SULT1A4: variants seen among roughly 807,000 people sequenced by gnomAD.
SULT1A4 encodes sulfotransferase family 1A member 4.
For synonymous variants in SULT1A4, 3 were observed against 19.4 expected (o/e 0.15, Z 2.22); for missense variants, 4 against 40.6 (o/e 0.10, Z 2.45).
chr16:29,461,918 CT>C lies in SULT1A4; in HGVS notation c.341del (p.Leu114ProfsTer69). ...LIKSHLPLAL[L>X]PQTLLDQKVK... The stretch of plus-strand genomic sequence containing the variant: ...CAAGTCACACCTGCCCCTGGCTCTG[CT>C]CCCTCAGACTCTGTTGGATCAGAAG... On this transcript the variant is annotated frameshift_variant, in exon 4 of 8. Transcript: ENST00000360423. LOFTEE classifies it high-confidence loss of function. 7.3e-6 allele frequency: 2 copies of C among 274,720 alleles called. No individual in the cohort carries two copies. The highest frequency in any genetic ancestry group is 1.2e-5 in the Non-Finnish European group (2 of 161,442). 17.0% of individuals were successfully genotyped at this position (274,720 alleles called of 1,614,324 possible).
chr16:29,461,758 C>G lies in SULT1A4; in HGVS notation c.269C>G (p.Pro90Arg). The change falls in exon 3 of 8, where the codon CCC (proline) becomes CGC (arginine). Residue 90 changes from proline (P) to arginine (R), a missense_variant. Physicochemically the swap from Pro to Arg is moderately radical, Grantham distance 103. Transcript: ENST00000360423. ...CTTGAGGTCAATGATCCAGGGGAAC[C>G]CTCAGGTGCATGGCTGGGTCCTGGG... ...PFLEVNDPGE[P>R]SGLETLKDTP... The G allele has an allele frequency of 9.4e-6, 2 of 213,368 alleles. No individual in the cohort carries two copies. Among genetic ancestry groups the G allele is most frequent in the Non-Finnish European group, 8.2e-6 (1 of 122,572 alleles). The allele number at this position is 213,368 out of a possible 1,614,324, so 13.2% of individuals were successfully genotyped here.
chr16:29,462,403 C>T (rs1357951347), intron 4 of SULT1A4, among the ~76,000 whole-genome samples: 2 of 146,006 alleles, frequency 1.4e-5, no homozygotes, highest in African/African-American at 2.6e-5. Context: ...GGCTGGAGTG[C>T]AGTGGCATGA....
chr16:29,462,664 GAC>G (rs1200608229), intron 4 of SULT1A4: 1 of 80,046 alleles, frequency 1.2e-5, no homozygotes, highest in Non-Finnish European at 2.4e-5. Context: ...TTTTTTTTGA[GAC>G]AGTTTCACTC....
intron 1 of SULT1A4, among the ~76,000 whole-genome samples, chr16:29,460,908 T>TTCAGCC (rs1437044594): frequency 6.7e-4 from 1 of 1,498 alleles, no homozygotes; most frequent in Admixed American, 6.5e-3. Flanking sequence ...ACGACCTGGT[T>TTCAGCC]TCAGCCCCAG....
chr16:29,461,846 T>TC lies in SULT1A4; in HGVS notation c.275-7_275-6insC. 4.1e-6 allele frequency: 1 copy of TC among 244,394 alleles called. No individual in the cohort carries two copies. Among genetic ancestry groups the TC allele is most frequent in the Non-Finnish European group, 7.0e-6 (1 of 142,836 alleles). 15.1% of individuals were successfully genotyped at this position (244,394 alleles called of 1,614,324 possible). ...GCTCACCAGACCTTCCCTGACCCAC[T>TC]ACTCAGGGCTGGAGACTCTGAAAGA... On this transcript the variant is annotated splice_region_variant and splice_polypyrimidine_tract_variant and intron_variant, in intron 3 of 7. Coordinates refer to ENST00000360423, the MANE Select transcript of SULT1A4 (RefSeq NM_001017390.3).
At position 29,464,850 on chromosome 16, in the gene SULT1A4, A is replaced by T. The variant is rs1964891398; in HGVS notation, c.*275A>T. 4.5e-5 allele frequency: 3 copies of T among 66,190 alleles called. 1 individual carries two copies. The Admixed American group carries it at 6.4e-4, about 14-fold the overall frequency. The allele number at this position is 66,190 out of a possible 1,614,324, so 4.1% of individuals were successfully genotyped here. ...CTACTTGGGAAGCAGAGGCTGGAGGATCATTTCAGCCCAGGAGGTTGTGGA... is the reference window on the plus strand; with the variant it reads ...CTACTTGGGAAGCAGAGGCTGGAGGTTCATTTCAGCCCAGGAGGTTGTGGA... On this transcript the variant is annotated 3_prime_UTR_variant, in exon 8 of 8. Transcript: ENST00000360423.
At chr16:29,462,179 GC>G (rs1276104757) in intron 4 of SULT1A4, among the ~76,000 whole-genome samples, 2 of 126,918 alleles carry the variant, frequency 1.6e-5, no homozygotes, top group Non-Finnish European at 3.2e-5. Flanking sequence ...GCTGCAATGA[GC>G]CCTGATGATC....
intron 4 of SULT1A4, among the ~76,000 whole-genome samples, chr16:29,462,318 G>A (rs757823697): frequency 0.025 from 3,322 of 135,546 alleles, 1 homozygote; most frequent in Middle Eastern, 0.037. Flanking sequence ...CTGTTCTTCT[G>A]GAAGGGCCTC....
chr16:29,461,348 A>G, intron 1 of SULT1A4, 34 bp from the exon 2 acceptor site: 2 of 1,371,228 alleles, frequency 1.5e-6, no homozygotes. Context: ...TGATGGTGGT[A>G]AGGGAACGGG....
chr16:29,462,444 G>A (rs1464769961), intron 4 of SULT1A4, among the ~76,000 whole-genome samples: 9 of 139,608 alleles, frequency 6.4e-5, no homozygotes, highest in African/African-American at 2.2e-4. Context: ...CGCCTCCCCA[G>A]TTCAAGTGAT....
intron 4 of SULT1A4, among the ~76,000 whole-genome samples, 157 bp downstream of exon 4, chr16:29,462,107 G>T (rs1438429297): frequency 7.2e-5 from 8 of 111,286 alleles, no homozygotes. Flanking sequence ...TGGTATGGTG[G>T]CATAGACTGT....
rs1484157523 is a variant in SULT1A4, at chr16:29,461,648, G to A, written c.159G>A (p.Trp53Ter). 3.6e-6 allele frequency: 1 copy of A among 274,386 alleles called. No homozygotes were observed. The highest frequency in any genetic ancestry group is 2.4e-5 in the South Asian group (1 of 40,928). The allele number at this position is 274,386 out of a possible 1,614,324, so 17.0% of individuals were successfully genotyped here. A position where few individuals can be genotyped will look rare whatever the true frequency, so the allele number is the denominator to read the frequency against. ...INTYPKSGTT[W>*]VSQILDMIYQ... The stretch of plus-strand genomic sequence containing the variant: ...TCCCTCCCTCTCCAGGCACCACCTG[G>A]GTGAGCCAGATACTGGACATGATCT... Residue 53 changes from tryptophan to a stop codon, truncating the protein, a stop_gained, in exon 3 of 8, where the codon TGG becomes TGA. Coordinates refer to ENST00000360423, the MANE Select transcript of SULT1A4 (RefSeq NM_001017390.3). LOFTEE classifies it high-confidence loss of function.
At chr16:29,462,731 C>T in intron 4 of SULT1A4, 1 of 46,228 alleles carries the variant, frequency 2.2e-5, no homozygotes, top group South Asian at 1.1e-4. Flanking sequence ...CAACCACCGC[C>T]TCCTGGGTTC....
chr16:29,461,019 G>T (rs1321771465), intron 1 of SULT1A4, among the ~76,000 whole-genome samples: 9 of 9,054 alleles, frequency 9.9e-4, no homozygotes, highest in Non-Finnish European at 4.6e-3. Flanking sequence ...GGGCAGCTGG[G>T]TGCTGGCTCA....
rs1416307337 is a variant in SULT1A4, at chr16:29,461,445, C to T, written c.60C>T (p.Leu20=). The part of the protein sequence containing the change: ...PPLEYVKGVP[L]IKYFAEALGP... ...TGGAGTACGTGAAGGGGGTCCCGCT[C>T]ATCAAGTACTTTGCAGAGGCACTGG... Residue 20 remains leucine (L), a synonymous_variant, in exon 2 of 8, where the codon CTC becomes CTT. Transcript: ENST00000360423. 1 of 954,900 alleles carries T rather than the reference C, an allele frequency of 1.0e-6. No homozygotes were observed. The highest frequency in any genetic ancestry group is 4.7e-5 in the Admixed American group (1 of 21,288). The allele number at this position is 954,900 out of a possible 1,614,324, so 59.2% of individuals were successfully genotyped here.
intron 1 of SULT1A4, among the ~76,000 whole-genome samples, chr16:29,461,138 A>G (rs1964857488): frequency 7.8e-5 from 1 of 12,870 alleles, no homozygotes; most frequent in African/African-American, 1.2e-4. Flanking sequence ...ACTAAAGAAA[A>G]AAAAAAATTA....
intron 4 of SULT1A4, among the ~76,000 whole-genome samples, chr16:29,462,458 C>T (rs2142179004): frequency 7.3e-6 from 1 of 136,522 alleles, no homozygotes; most frequent in South Asian, 2.2e-4. Context: ...AAGTGATTCT[C>T]CTGCCTCAGC....
intron 4 of SULT1A4, among the ~76,000 whole-genome samples, chr16:29,462,334 T>C (rs1964879420): frequency 6.8e-6 from 1 of 148,050 alleles, no homozygotes; most frequent in South Asian, 2.1e-4. Context: ...GCCTCCTCGC[T>C]TCTGCCAGGC....
intron 4 of SULT1A4, among the ~76,000 whole-genome samples, chr16:29,462,476 G>A (rs1482250547): frequency 2.3e-5 from 3 of 129,886 alleles, no homozygotes; most frequent in Non-Finnish European, 4.8e-5. Flanking sequence ...AGCCTCCTGA[G>A]TAGCTGGGAT....
Sources: gnomAD v4.1 joint callset for allele counts (sites outside exome capture counted in the v4.1 genomes callset) on GRCh38, gnomAD v4.1.1 for gene constraint, MANE v1.5 for transcripts, NCBI Gene and HGNC (gene_info 2026-07-23, HGNC 2026-07-21) for gene names.